Variants in PRKCI observed in about 807,000 individuals in gnomAD.
PRKCI encodes the protein protein kinase C iota type.
Under a neutral mutation model 84.0 loss-of-function variants are expected in PRKCI, and 43 were observed. The ratio of observed to expected loss-of-function variants is 0.51; its 90% CI spans 0.40 to 0.66. PRKCI has a LOEUF of 0.66. Among genes scored for constraint, PRKCI ranks in the 30% least tolerant of loss-of-function variants. The pLI is 0.00. For missense variants in PRKCI, 459 were observed against 745.6 expected (o/e 0.62, Z 4.48); for synonymous variants, 216 against 234.4 (o/e 0.92, Z 0.72).
chr3:170,294,249 C>A (rs957689919), intron 14 of PRKCI, among the ~76,000 whole-genome samples: 5 of 152,036 alleles, frequency 3.3e-5, no homozygotes, highest in African/African-American at 9.7e-5. Context: ...AAAAAAGGCC[C>A]CACATCAGGG....
At chr3:170,228,925 A>G (rs1423240964) in intron 1 of PRKCI, among the ~76,000 whole-genome samples, 1 of 151,822 alleles carries the variant, frequency 6.6e-6, no homozygotes, top group Non-Finnish European at 1.5e-5. Context: ...CTTTATGTCC[A>G]TGTGTACCCT....
chr3:170,295,722 G>A (rs1038612343), intron 14 of PRKCI, among the ~76,000 whole-genome samples, 189 bp from the exon 15 acceptor site: 1 of 151,582 alleles, frequency 6.6e-6, no homozygotes, highest in African/African-American at 2.4e-5. Flanking sequence ...GGTGGCGCCT[G>A]TGGTCCCAGC....
intron 2 of PRKCI, among the ~76,000 whole-genome samples, chr3:170,252,763 A>T (rs1577351351): frequency 1.3e-5 from 2 of 151,884 alleles, no homozygotes; most frequent in Admixed American, 6.6e-5. Flanking sequence ...GCTGTTTTTT[A>T]AAATTTTTTG....
In PRKCI at chr3:170,280,507, G is replaced by A; in HGVS notation, c.882+104G>A. ...TTGTCACCCAGCCTGGAGTGCTAGT[G>A]GTGCAATCTTGGCTCACTGCAACCT... On this transcript the variant is annotated intron_variant, in intron 9 of 17. Coordinates refer to ENST00000295797, the MANE Select transcript of PRKCI (RefSeq NM_002740.6). 2.7e-6 allele frequency: 3 copies of A among 1,117,200 alleles called. No homozygotes were observed. The South Asian group carries it at 5.1e-5, about 19-fold the overall frequency. 69.2% of individuals were successfully genotyped at this position (1,117,200 alleles called of 1,614,324 possible).
In PRKCI at chr3:170,303,653, T is replaced by C. The variant is rs1734878755; in HGVS notation, c.*526T>C. ...TGGATAAATAAATTATTGATCTTTT[T>C]TAAGGCAGCAGTTATTAAATTGGTA... On this transcript the variant is annotated 3_prime_UTR_variant, in exon 18 of 18. Transcript: ENST00000295797. 1 of 223,626 alleles carries C rather than the reference T, an allele frequency of 4.5e-6. No individual in the cohort carries two copies. Among genetic ancestry groups the C allele is most frequent in the South Asian group, 1.8e-4 (1 of 5,470 alleles). 13.9% of individuals were successfully genotyped at this position (223,626 alleles called of 1,614,324 possible).
At position 170,295,930 on chromosome 3, in the gene PRKCI, T is replaced by G; in HGVS notation, c.1437T>G (p.Ile479Met). ...TTCTAGTTATTTTGGAAAAACAAAT[T>G]CGCATACCACGTTCTCTGTCTGTAA... ...YLFQVILEKQ[I>M]RIPRSLSVKA... The change falls in exon 15 of 18, where the codon ATT becomes ATG. Residue 479 changes from isoleucine (I) to methionine (M), a missense_variant. Ile to Met is a conservative substitution (Grantham distance 10). Coordinates refer to ENST00000295797, the MANE Select transcript of PRKCI (RefSeq NM_002740.6). 4 of 1,572,336 alleles carry G rather than the reference T, an allele frequency of 2.5e-6. No individual in the cohort carries two copies. Among genetic ancestry groups the G allele is most frequent in the Non-Finnish European group, 2.6e-6 (3 of 1,155,304 alleles).
At chr3:170,298,924 AGAG>A (rs1294450223) in intron 16 of PRKCI, 68 bp from the exon 17 acceptor site, 13 of 936,472 alleles carry the variant, frequency 1.4e-5, no homozygotes, top group African/African-American at 6.5e-5. Context: ...CAATGAGTGC[AGAG>A]GAGAACTGTA....
intron 8 of PRKCI, among the ~76,000 whole-genome samples, chr3:170,277,387 A>G (rs2108857247): frequency 6.6e-6 from 1 of 152,260 alleles, no homozygotes; most frequent in East Asian, 1.9e-4. Context: ...GTGAGATACC[A>G]TCTCACACCA....
At chr3:170,260,161 A>G (rs764242679) in intron 3 of PRKCI, 103 bp downstream of exon 3, 4 of 750,544 alleles carry the variant, frequency 5.3e-6, no homozygotes, top group Middle Eastern at 2.4e-4. Flanking sequence ...CATTTTCTCA[A>G]TCTCTGTGAC....
intron 2 of PRKCI, among the ~76,000 whole-genome samples, chr3:170,258,278 T>G (rs762311826): frequency 7.9e-5 from 12 of 151,344 alleles, no homozygotes; most frequent in Non-Finnish European, 1.8e-4. Context: ...GGACTCACTT[T>G]CACTCGCTCA....
At chr3:170,253,595 T>C (rs1252764392) in intron 2 of PRKCI, among the ~76,000 whole-genome samples, 5 of 151,782 alleles carry the variant, frequency 3.3e-5, no homozygotes, top group African/African-American at 1.2e-4. Flanking sequence ...ATCGAGACCA[T>C]CCTGGCTAAC....
chr3:170,285,743 A>G (rs898247895), intron 12 of PRKCI, among the ~76,000 whole-genome samples: 1 of 149,510 alleles, frequency 6.7e-6, no homozygotes, highest in African/African-American at 2.5e-5. Flanking sequence ...TTAATTAATT[A>G]TTGTTGTTTT....
chr3:170,288,538 C>T (rs1001391931), intron 12 of PRKCI, among the ~76,000 whole-genome samples: 13 of 152,150 alleles, frequency 8.5e-5, no homozygotes, highest in Non-Finnish European at 1.5e-5. Flanking sequence ...TACTTGAGGT[C>T]AGGAGTTTGA....
chr3:170,270,752 A>G (rs1733982888), intron 6 of PRKCI, among the ~76,000 whole-genome samples, 191 bp downstream of exon 6: 1 of 152,110 alleles, frequency 6.6e-6, no homozygotes, highest in Admixed American at 6.6e-5. Flanking sequence ...ATCTGTGGTA[A>G]TACTTGTCTG....
At chr3:170,241,735 A>G (rs906950459) in intron 2 of PRKCI, among the ~76,000 whole-genome samples, 8 of 147,668 alleles carry the variant, frequency 5.4e-5, no homozygotes, top group South Asian at 4.1e-4. Context: ...TACTGATGCA[A>G]TTATAGCTCA....
At chr3:170,292,709 CA>C (rs35749320) in intron 13 of PRKCI, among the ~76,000 whole-genome samples, 2,209 of 82,530 alleles carry the variant, frequency 0.027, 31 homozygotes, top group East Asian at 0.13. Flanking sequence ...AACTCTGTCT[CA>C]AAAAAAAAAA....
At chr3:170,293,268 C>A in intron 13 of PRKCI, 115 bp from the exon 14 acceptor site, 2 of 968,640 alleles carry the variant, frequency 2.1e-6, no homozygotes, top group Non-Finnish European at 3.0e-6. Context: ...AGTTGGAATG[C>A]ATTTAGAGTT....
chr3:170,302,067 C>G (rs1168715082), intron 17 of PRKCI, among the ~76,000 whole-genome samples: 1 of 152,110 alleles, frequency 6.6e-6, no homozygotes, highest in Non-Finnish European at 1.5e-5. Context: ...TGAAATTTTC[C>G]CATCTTTCAG....
At chr3:170,258,502 C>T (rs2108847749) in intron 2 of PRKCI, among the ~76,000 whole-genome samples, 1 of 152,052 alleles carries the variant, frequency 6.6e-6, no homozygotes, top group Admixed American at 6.6e-5. Context: ...GATGGGCTTT[C>T]ATCATGTTGG....
Sources: gnomAD v4.1 joint callset for allele counts (sites outside exome capture counted in the v4.1 genomes callset) on GRCh38, gnomAD v4.1.1 for gene constraint, MANE v1.5 for transcripts, NCBI Gene and HGNC (gene_info 2026-07-23, HGNC 2026-07-21) for gene names.